COL5A2: variants seen among roughly 807,000 people sequenced by gnomAD.
COL5A2 encodes collagen type V alpha 2 chain.
COL5A2 carries 23 observed loss-of-function variants against 208.2 expected under a neutral mutation model. The ratio of observed to expected loss-of-function variants is 0.11; its 90% CI spans 0.08 to 0.16. The LOEUF (loss-of-function observed/expected upper bound fraction) is 0.16. Among genes scored for constraint, COL5A2 ranks in the 10% least tolerant of loss-of-function variants. The pLI, the probability that COL5A2 is intolerant of heterozygous loss-of-function variation, is 1.00. For missense variants in COL5A2, 1,590 were observed against 1,956.4 expected, an observed-to-expected ratio of 0.81 and a Z score of 3.53; for synonymous variants, 625 against 628.5, an observed-to-expected ratio of 0.99 and a Z score of 0.08.
At chr2:189,415,006 G>C in the COL5A2 span, among the ~76,000 whole-genome samples, 2 of 152,062 alleles carry the variant, frequency 1.3e-5, no homozygotes, top group Admixed American at 1.3e-4. Flanking sequence ...CTATTAATAA[G>C]AAGCATTAGT....
the COL5A2 span, among the ~76,000 whole-genome samples, chr2:189,437,565 A>T: frequency 1.3e-5 from 2 of 152,202 alleles, no homozygotes; most frequent in Non-Finnish European, 2.9e-5. Flanking sequence ...TGTAATTATA[A>T]CCATGAGAAC....
intron 1 of COL5A2, among the ~76,000 whole-genome samples, chr2:189,111,228 A>G (rs1454041242): frequency 1.7e-5 from 2 of 114,606 alleles, no homozygotes; most frequent in African/African-American, 5.9e-5. Flanking sequence ...ACACACACAT[A>G]TATATGTGTG....
the COL5A2 span, among the ~76,000 whole-genome samples, chr2:189,431,059 T>C: frequency 7.9e-5 from 12 of 152,348 alleles, no homozygotes; most frequent in African/African-American, 2.9e-4. Flanking sequence ...AAACAGGGTC[T>C]GGAGTGGACC....
intron 30 of COL5A2, among the ~76,000 whole-genome samples, chr2:189,061,164 T>C (rs191685631): frequency 1.3e-5 from 2 of 152,232 alleles, no homozygotes; most frequent in East Asian, 3.9e-4. Context: ...TCCTATTAAA[T>C]AATGTACATA....
chr2:189,066,704 TATC>T (rs1243191520), intron 22 of COL5A2, 22 bp downstream of exon 22: 5 of 1,588,712 alleles, frequency 3.1e-6, no homozygotes, highest in Non-Finnish European at 4.3e-6. Flanking sequence ...ATGTTCTACT[TATC>T]ATTAAAACAA....
At chr2:189,156,393 G>T (rs1418090734) in intron 1 of COL5A2, among the ~76,000 whole-genome samples, 1 of 151,970 alleles carries the variant, frequency 6.6e-6, no homozygotes, top group African/African-American at 2.4e-5. Flanking sequence ...GACAACTGCA[G>T]AATTTTAAAA....
At chr2:189,280,809 A>T in the COL5A2 span, among the ~76,000 whole-genome samples, 1 of 152,156 alleles carries the variant, frequency 6.6e-6, no homozygotes, top group Non-Finnish European at 1.5e-5. Flanking sequence ...CAGCAAGAAT[A>T]CAATTCTCAA....
intron 35 of COL5A2, among the ~76,000 whole-genome samples, chr2:189,054,679 G>A (rs1000939299): frequency 2.7e-5 from 4 of 146,876 alleles, no homozygotes; most frequent in Non-Finnish European, 3.0e-5. Context: ...AGGCATTTTA[G>A]GTGTTTTTTC....
the COL5A2 span, among the ~76,000 whole-genome samples, chr2:189,321,730 A>T: frequency 6.6e-6 from 1 of 152,210 alleles, no homozygotes; most frequent in African/African-American, 2.4e-5. Flanking sequence ...TAATGACGGC[A>T]GACTTTAACA....
At chr2:189,402,081 C>A in the COL5A2 span, among the ~76,000 whole-genome samples, 1 of 152,100 alleles carries the variant, frequency 6.6e-6, no homozygotes, top group African/African-American at 2.4e-5. Flanking sequence ...TTAGATCCCA[C>A]ATGTCAATTT....
At chr2:189,319,347 T>C in the COL5A2 span, among the ~76,000 whole-genome samples, 1 of 152,164 alleles carries the variant, frequency 6.6e-6, no homozygotes, top group African/African-American at 2.4e-5. Flanking sequence ...GCACCAAGCG[T>C]GAGCCGAAGC....
rs562712225 is a variant in COL5A2, at chr2:189,055,162, C to A, written c.2392-950G>T. Among the ~76,000 whole-genome samples, 143 of 152,120 alleles carry A rather than the reference C, an allele frequency of 9.4e-4. 1 individual carries two copies. The highest frequency in any genetic ancestry group is 1.8e-3 in the Non-Finnish European group (122 of 68,000). Reference sequence around the variant, plus strand: ...CCTCCCAAAGTGCTGGGATTACAGGCGTGAGCCATCGCGCCCAGCCAGTTT... The same window carrying A: ...CCTCCCAAAGTGCTGGGATTACAGGAGTGAGCCATCGCGCCCAGCCAGTTT... On this transcript the variant is annotated intron_variant, in intron 35 of 53. Coordinates refer to ENST00000374866, the MANE Select transcript of COL5A2 (RefSeq NM_000393.5).
chr2:189,195,063 A>G (rs1688982591), intron 1 of COL5A2, among the ~76,000 whole-genome samples: 1 of 152,228 alleles, frequency 6.6e-6, no homozygotes, highest in African/African-American at 2.4e-5. Context: ...TTCTCTATTT[A>G]GAAAACCCCA....
the COL5A2 span, among the ~76,000 whole-genome samples, chr2:189,235,200 A>G: frequency 6.6e-6 from 1 of 151,652 alleles, no homozygotes; most frequent in Admixed American, 6.6e-5. Flanking sequence ...ACATACTATG[A>G]CTCAGTAGAG....
At chr2:189,201,161 AT>A (rs1419297692) in intron 1 of COL5A2, among the ~76,000 whole-genome samples, 7 of 152,224 alleles carry the variant, frequency 4.6e-5, no homozygotes, top group African/African-American at 1.7e-4. Context: ...TAATTATATG[AT>A]AAAGGTAGAA....
the COL5A2 span, among the ~76,000 whole-genome samples, chr2:189,314,924 T>C: frequency 6.6e-6 from 1 of 152,110 alleles, no homozygotes; most frequent in Non-Finnish European, 1.5e-5. Flanking sequence ...AGTTCTGAAA[T>C]TGAGGCAGTA....
chr2:189,075,009 T>A (rs1205284728), intron 17 of COL5A2, among the ~76,000 whole-genome samples: 1 of 152,208 alleles, frequency 6.6e-6, no homozygotes, highest in Non-Finnish European at 1.5e-5. Context: ...TAACCCTTCA[T>A]GATATAGCTC....
At chr2:189,274,603 T>C in the COL5A2 span, among the ~76,000 whole-genome samples, 2 of 152,240 alleles carry the variant, frequency 1.3e-5, no homozygotes, top group South Asian at 4.1e-4. Context: ...CAGAACACAC[T>C]GGAGAATTAT....
chr2:189,118,804 A>G (rs1355961927), intron 1 of COL5A2, among the ~76,000 whole-genome samples: 4 of 152,150 alleles, frequency 2.6e-5, no homozygotes, highest in African/African-American at 9.6e-5. Flanking sequence ...GTTCTGCTTT[A>G]CACAGATTTA....
Sources: gnomAD v4.1 joint callset for allele counts (sites outside exome capture counted in the v4.1 genomes callset) on GRCh38, gnomAD v4.1.1 for gene constraint, MANE v1.5 for transcripts, NCBI Gene and HGNC (gene_info 2026-07-23, HGNC 2026-07-21) for gene names.